IRX2: variants seen among roughly 807,000 people sequenced by gnomAD.
IRX2 encodes iroquois homeobox 2.
In IRX2, 26 loss-of-function variants were observed where a neutral mutation model predicts 42.9. The ratio of observed to expected loss-of-function variants is 0.61; its 90% CI spans 0.44 to 0.84. The LOEUF is 0.84. IRX2 is among the 40% of genes least tolerant of loss of function. The pLI is 0.00. For missense variants in IRX2, 782 were observed against 713.9 expected (o/e 1.10, Z -1.09); for synonymous variants, 424 against 353.9 (o/e 1.20, Z -2.22).
In IRX2 at chr5:2,748,593, T is replaced by A; in HGVS notation, c.1115A>T (p.Tyr372Phe). The A allele has an allele frequency of 6.5e-7, 1 of 1,548,370 alleles. No individual in the cohort carries two copies. The highest frequency in any genetic ancestry group is 8.7e-7 in the Non-Finnish European group (1 of 1,150,776). The change falls in exon 3 of 4, where the codon TAC becomes TTC. Residue 372 changes from tyrosine to phenylalanine, a missense_variant. Physicochemically the swap from Tyr to Phe is conservative, Grantham distance 22. Coordinates refer to ENST00000302057, the MANE Select transcript of IRX2 (RefSeq NM_033267.5). ...GCGGCCCAGCAGCGGCGAGGCAGGGTAGGGCGAGCCTCCTGGCGGTGCCCC... is the reference window on the plus strand; with the variant it reads ...GCGGCCCAGCAGCGGCGAGGCAGGGAAGGGCGAGCCTCCTGGCGGTGCCCC... ...STGAPPGGSP[Y>F]PASPLLGRPL...
At position 2,747,328 on chromosome 5, in the gene IRX2, TTC is replaced by T; in HGVS notation, c.*234_*235del. 5.3e-6 allele frequency: 2 copies of T among 378,350 alleles called. No individual in the cohort carries two copies. The highest frequency in any genetic ancestry group is 9.8e-6 in the Non-Finnish European group (2 of 204,302). 23.4% of individuals were successfully genotyped at this position (378,350 alleles called of 1,614,324 possible). A position where few individuals can be genotyped will look rare whatever the true frequency, so the allele number is the denominator to read the frequency against. ...ACACATATATATATATATTTTTTTT[TTC>T]CTTCCCTAGGTAAAGGAGTGATAGA... is the stretch of plus-strand genomic sequence containing the variant. On this transcript the variant is annotated 3_prime_UTR_variant, in exon 4 of 4. Transcript: ENST00000302057.
downstream of IRX2, among the ~76,000 whole-genome samples, chr5:2,742,780 T>C (rs1371112486): frequency 6.6e-6 from 1 of 152,188 alleles, no homozygotes; most frequent in African/African-American, 2.4e-5. Context: ...TGCCTCTGAG[T>C]GGACCACAAA....
At chr5:2,747,799 C>T (rs1025713926) in intron 3 of IRX2, among the ~76,000 whole-genome samples, 183 bp from the exon 4 acceptor site, 1 of 152,248 alleles carries the variant, frequency 6.6e-6, no homozygotes, top group African/African-American at 2.4e-5. Context: ...CCCCCTTGAA[C>T]TCCTCTTTCG....
At chr5:2,748,057 G>C (rs571806820) in intron 3 of IRX2, among the ~76,000 whole-genome samples, 1 of 152,300 alleles carries the variant, frequency 6.6e-6, no homozygotes, top group Admixed American at 6.5e-5. Context: ...GCTGTAATTT[G>C]AATTTCGTGG....
chr5:2,742,441 G>C (rs956728465), downstream of IRX2, among the ~76,000 whole-genome samples: 1 of 152,106 alleles, frequency 6.6e-6, no homozygotes, highest in Non-Finnish European at 1.5e-5. Flanking sequence ...ATACATCAAA[G>C]GGACATGTCC....
In IRX2 at chr5:2,748,556, G is replaced by A; in HGVS notation, c.1152C>T (p.Tyr384=). ...TGTAGTTGCCGTAGAAGGGCGACGT[G>A]TAGTAGAGGGGGCGGCCCAGCAGCG... The part of the protein sequence containing the change: ...ASPLLGRPLY[Y]TSPFYGNYTN... Residue 384 remains tyrosine, a synonymous_variant, in exon 3 of 4, where the codon TAC becomes TAT. Coordinates refer to ENST00000302057, the MANE Select transcript of IRX2 (RefSeq NM_033267.5). The A allele has an allele frequency of 6.4e-7, 1 of 1,571,752 alleles. No homozygotes were observed. The highest frequency in any genetic ancestry group is 1.4e-5 in the African/African-American group (1 of 70,700).
At position 2,746,183 on chromosome 5, in the gene IRX2, T is replaced by C. The variant is rs540971437; in HGVS notation, c.*1381A>G. The C allele has an allele frequency of 3.9e-5, 6 of 152,272 alleles. No individual in the cohort carries two copies. In the South Asian group the frequency reaches 1.2e-3, roughly 32 times the overall value. 9.4% of individuals were successfully genotyped at this position (152,272 alleles called of 1,614,324 possible). On this transcript the variant is annotated 3_prime_UTR_variant, in exon 4 of 4. Transcript: ENST00000302057. ...CATCATATTATTGTAGACTAGTCTG[T>C]TTTTATTTACAATTTAAGATATAAA...
chr5:2,748,287 C>A, intron 3 of IRX2, 58 bp downstream of exon 3: 1 of 1,345,730 alleles, frequency 7.4e-7, no homozygotes, highest in Middle Eastern at 2.8e-4. Flanking sequence ...GGGCGCTCCG[C>A]CTCCCCGGGG....
At chr5:2,743,085 C>T (rs576587161), downstream of IRX2, among the ~76,000 whole-genome samples, 5 of 152,324 alleles carry the variant, frequency 3.3e-5, no homozygotes, top group Middle Eastern at 0.01. Flanking sequence ...AGCCCTCTCC[C>T]ACCACTCTCC....
At chr5:2,741,437 G>C (rs547269992), downstream of IRX2, among the ~76,000 whole-genome samples, 11 of 152,146 alleles carry the variant, frequency 7.2e-5, no homozygotes, top group Admixed American at 5.2e-4. Context: ...GGGAATTTCT[G>C]AGAACGACTG....
chr5:2,749,896 T>C, intron 1 of IRX2, 109 bp from the exon 2 acceptor site: 1 of 1,173,102 alleles, frequency 8.5e-7, no homozygotes, highest in Non-Finnish European at 1.2e-6. Context: ...CCCGTGAGTC[T>C]GGCTCTGGGG....
chr5:2,745,962 AATC>A (rs1402241085), downstream of IRX2: 1 of 151,420 alleles, frequency 6.6e-6, no homozygotes, highest in Non-Finnish European at 1.5e-5. Context: ...CCTGTATAGA[AATC>A]ATCTACAGCA....
downstream of IRX2, among the ~76,000 whole-genome samples, chr5:2,744,685 C>A (rs1737618787): frequency 1.3e-5 from 2 of 152,210 alleles, no homozygotes; most frequent in Admixed American, 6.5e-5. Context: ...ATAGATAGCT[C>A]AGCTCCACAC....
At chr5:2,739,072 C>A in the IRX2 span, among the ~76,000 whole-genome samples, 5,540 of 152,310 alleles carry the variant, frequency 0.036, 365 homozygotes, top group African/African-American at 0.13. Flanking sequence ...AGCCCTCCAG[C>A]GGGTTCTGGT....
At chr5:2,749,869 C>A (rs1737870546) in intron 1 of IRX2, 82 bp from the exon 2 acceptor site, 6 of 1,400,494 alleles carry the variant, frequency 4.3e-6, no homozygotes, top group Non-Finnish European at 5.7e-6. Context: ...CTCCGCCCGC[C>A]CACGGCCACC....
chr5:2,742,609 A>G (rs1737567316), downstream of IRX2, among the ~76,000 whole-genome samples: 1 of 152,234 alleles, frequency 6.6e-6, no homozygotes, highest in Admixed American at 6.5e-5. Context: ...TATTTATTAT[A>G]TCTATTTATA....
rs146159368 is a variant in IRX2 at position 2,748,873 on chromosome 5, G to C, written c.835C>G (p.Pro279Ala). 1 of 1,593,640 alleles carries C rather than the reference G, an allele frequency of 6.3e-7. No homozygotes were observed. Among genetic ancestry groups the C allele is most frequent in the Non-Finnish European group, 8.5e-7 (1 of 1,178,298 alleles). The change falls in exon 3 of 4, where the codon CCG (proline) becomes GCG (alanine). Residue 279 changes from proline (P) to alanine (A), a missense_variant. Physicochemically the swap from Pro to Ala is conservative, Grantham distance 27 (BLOSUM62 -1). This residue lies in a region of IRX2 where 520 missense variants were observed against 437.8 expected (regional missense o/e 1.19). Transcript: ENST00000302057. ...GGCGACGAGGTCACGGGCTTGGGCG[G>C]CGCCAGGCCCCGCTCGCCCTCCTCG... ...DDEEGERGLA[P>A]PKPVTSSPLT... is the part of the protein sequence containing the mutation.
downstream of IRX2, among the ~76,000 whole-genome samples, chr5:2,744,051 A>G (rs1224558150): frequency 6.6e-6 from 1 of 150,916 alleles, no homozygotes; most frequent in Non-Finnish European, 1.5e-5. Flanking sequence ...TGAAATATGC[A>G]TGTCCTCCCA....
In IRX2 at chr5:2,747,501, G is replaced by A; in HGVS notation, c.*63C>T. ...CACATTAAGCAAGTTGGTGCTGGGA[G>A]GCTCCACAGGGTCTGGGAAGCACCA... On this transcript the variant is annotated 3_prime_UTR_variant, in exon 4 of 4. Coordinates refer to ENST00000302057, the MANE Select transcript of IRX2 (RefSeq NM_033267.5). 2 of 1,426,324 alleles carry A rather than the reference G, an allele frequency of 1.4e-6. No individual in the cohort carries two copies. The highest frequency in any genetic ancestry group is 2.0e-6 in the Non-Finnish European group (2 of 1,011,228). 88.4% of individuals were successfully genotyped at this position (1,426,324 alleles called of 1,614,324 possible). A position where few individuals can be genotyped will look rare whatever the true frequency, so the allele number is the denominator to read the frequency against.
Sources: gnomAD v4.1 joint callset for allele counts (sites outside exome capture counted in the v4.1 genomes callset) on GRCh38, gnomAD v4.1.1 for gene constraint, gnomAD v4.1.1 regional missense constraint, MANE v1.5 for transcripts, NCBI Gene and HGNC (gene_info 2026-07-23, HGNC 2026-07-21) for gene names.